SORCS2: variants seen among roughly 807,000 people sequenced by gnomAD.
SORCS2 encodes VPS10 domain-containing receptor SorCS2.
SORCS2 carries 100 observed loss-of-function variants against 141.6 expected under a neutral mutation model. The ratio of observed to expected loss-of-function variants is 0.71; its 90% CI spans 0.60 to 0.83. The LOEUF (loss-of-function observed/expected upper bound fraction) is 0.83. SORCS2 is among the 40% of genes least tolerant of loss of function. The pLI is 0.00. For synonymous variants in SORCS2, 789 were observed against 676.9 expected, an observed-to-expected ratio of 1.17 and a Z score of -2.57; for missense variants, 1,646 against 1,560.2, an observed-to-expected ratio of 1.05 and a Z score of -0.93.
At chr4:7,621,988 C>A (rs1719225598) in intron 3 of SORCS2, among the ~76,000 whole-genome samples, 1 of 152,170 alleles carries the variant, frequency 6.6e-6, no homozygotes, top group Non-Finnish European at 1.5e-5. Flanking sequence ...TTAATCAGTA[C>A]TATCAGGACT....
chr4:7,387,484 TACATAC>T (rs1325365606), intron 1 of SORCS2, among the ~76,000 whole-genome samples: 1 of 52,906 alleles, frequency 1.9e-5, no homozygotes, highest in Non-Finnish European at 3.1e-5. Context: ...CACATGCACA[TACATAC>T]ACATGCACAC....
chr4:7,684,561 C>T (rs1723754585), intron 10 of SORCS2, among the ~76,000 whole-genome samples: 2 of 152,202 alleles, frequency 1.3e-5, no homozygotes, highest in South Asian at 4.1e-4. Context: ...CCCATAAGCC[C>T]TTCTTAGAGA....
chr4:7,412,363 C>T (rs556912138), intron 2 of SORCS2, among the ~76,000 whole-genome samples: 9 of 152,330 alleles, frequency 5.9e-5, no homozygotes, highest in African/African-American at 2.2e-4. Flanking sequence ...AGCTTCTGCT[C>T]CAGCCAGAGC....
intron 3 of SORCS2, among the ~76,000 whole-genome samples, chr4:7,560,168 T>C (rs1186487759): frequency 6.6e-6 from 1 of 152,196 alleles, no homozygotes; most frequent in Non-Finnish European, 1.5e-5. Context: ...TTACCTTTAT[T>C]GATCTGTTTG....
At chr4:7,614,569 A>G (rs1718630461) in intron 3 of SORCS2, among the ~76,000 whole-genome samples, 1 of 148,340 alleles carries the variant, frequency 6.7e-6, no homozygotes, top group African/African-American at 2.5e-5. Context: ...CTGTCCATCC[A>G]TCCATCCATC....
chr4:7,737,261 C>A, intron 26 of SORCS2, 89 bp downstream of exon 26: 1 of 1,519,758 alleles, frequency 6.6e-7, no homozygotes, highest in Non-Finnish European at 8.8e-7. Flanking sequence ...GGCCACCCCG[C>A]TGGGCCGCTG....
intron 2 of SORCS2, among the ~76,000 whole-genome samples, chr4:7,469,190 T>C (rs1453577811): frequency 1.3e-5 from 2 of 151,834 alleles, no homozygotes; most frequent in South Asian, 2.1e-4. Flanking sequence ...GTGATGTCGA[T>C]GATGGTGGTG....
intron 1 of SORCS2, among the ~76,000 whole-genome samples, chr4:7,334,048 C>T (rs758668361): frequency 1.9e-4 from 29 of 152,304 alleles, no homozygotes; most frequent in Non-Finnish European, 2.9e-5. Flanking sequence ...CCTGAGGCTC[C>T]GCGTCAACTC....
In SORCS2 at chr4:7,536,842, G is replaced by C. The variant is rs969759363; in HGVS notation, c.648+5213G>C. On this transcript the variant is annotated intron_variant, in intron 3 of 26. Coordinates refer to ENST00000507866, the MANE Select transcript of SORCS2 (RefSeq NM_020777.3). The stretch of plus-strand genomic sequence containing the variant: ...CCCCATACTCAGATGTGGGGGGGGG[G>C]GGCGGGCAGGGCCCACCTCGAGGTC... Among the ~76,000 whole-genome samples, 13 of 49,540 alleles carry C rather than the reference G, an allele frequency of 2.6e-4. 2 individuals carry two copies. The highest frequency in any genetic ancestry group is 1.3e-3 in the East Asian group (1 of 786). 32.5% of individuals were successfully genotyped at this position (49,540 alleles called of 152,430 possible).
At chr4:7,578,405 T>C (rs1715914150) in intron 3 of SORCS2, among the ~76,000 whole-genome samples, 1 of 152,108 alleles carries the variant, frequency 6.6e-6, no homozygotes, top group African/African-American at 2.4e-5. Flanking sequence ...GGTGGGCAAA[T>C]GAAGGGACTC....
At chr4:7,419,426 C>G (rs1214838015) in intron 2 of SORCS2, among the ~76,000 whole-genome samples, 1 of 152,168 alleles carries the variant, frequency 6.6e-6, no homozygotes, top group Non-Finnish European at 1.5e-5. Flanking sequence ...GGCCAGAACT[C>G]AGGTTACAGA....
intron 8 of SORCS2, among the ~76,000 whole-genome samples, chr4:7,669,913 T>G (rs1722699406): frequency 6.6e-6 from 1 of 152,236 alleles, no homozygotes; most frequent in South Asian, 2.1e-4. Context: ...AGCTTTTTAT[T>G]GAGGAGAGTG....
At chr4:7,738,690 ATCC>A (rs991119310) in intron 26 of SORCS2, among the ~76,000 whole-genome samples, 26 of 152,280 alleles carry the variant, frequency 1.7e-4, no homozygotes, top group African/African-American at 6.3e-4. Flanking sequence ...CATCCGGGAC[ATCC>A]TCAGAACGTG....
intron 1 of SORCS2, among the ~76,000 whole-genome samples, chr4:7,217,619 G>T (rs1426622963): frequency 2.0e-5 from 3 of 152,172 alleles, no homozygotes; most frequent in Non-Finnish European, 2.9e-5. Context: ...CCCCAGGGTG[G>T]GGCAGAGTGG....
intron 1 of SORCS2, among the ~76,000 whole-genome samples, chr4:7,392,875 C>A (rs1412945494): frequency 7.0e-6 from 1 of 142,450 alleles, no homozygotes; most frequent in Non-Finnish European, 1.5e-5. Flanking sequence ...AATGTGAGAA[C>A]AGTAATATGG....
At chr4:7,573,627 C>G (rs1169170865) in intron 3 of SORCS2, among the ~76,000 whole-genome samples, 1 of 152,188 alleles carries the variant, frequency 6.6e-6, no homozygotes, top group African/African-American at 2.4e-5. Context: ...AAGTGATTCT[C>G]CTGCCTCAGC....
chr4:7,217,486 G>T (rs535886470), intron 1 of SORCS2, among the ~76,000 whole-genome samples: 2 of 152,190 alleles, frequency 1.3e-5, no homozygotes, highest in African/African-American at 4.8e-5. Context: ...CAGGAGGCTC[G>T]CAGGCTACAT....
intron 8 of SORCS2, among the ~76,000 whole-genome samples, chr4:7,670,700 T>C (rs1408504508): frequency 6.6e-6 from 1 of 152,160 alleles, no homozygotes; most frequent in Non-Finnish European, 1.5e-5. Flanking sequence ...CAAAGTCGAT[T>C]TGGATAATGT....
chr4:7,389,629 C>G (rs979162121), intron 1 of SORCS2, among the ~76,000 whole-genome samples: 1 of 152,188 alleles, frequency 6.6e-6, no homozygotes, highest in Non-Finnish European at 1.5e-5. Context: ...GAGGCTGACG[C>G]AGTTCCTCCC....
Sources: allele counts gnomAD v4.1 joint callset (sites outside exome capture counted in the v4.1 genomes callset), GRCh38; gene constraint gnomAD v4.1.1; transcripts MANE v1.5; gene names NCBI Gene and HGNC (gene_info 2026-07-23, HGNC 2026-07-21).